ANKRD52: variants seen among roughly 807,000 people sequenced by gnomAD.
ANKRD52 encodes the protein serine/threonine-protein phosphatase 6 regulatory ankyrin repeat subunit C.
In ANKRD52, 7 loss-of-function variants were observed where a neutral mutation model predicts 116.0. The ratio of observed to expected loss-of-function variants is 0.06; its 90% CI spans 0.03 to 0.11. The LOEUF (loss-of-function observed/expected upper bound fraction) is 0.11, where lower values mean the gene tolerates loss of function less well. Ranked by LOEUF, ANKRD52 falls within the 10% of genes least tolerant of loss-of-function variation. The pLI is 1.00. For missense variants in ANKRD52, 839 were observed against 1,408.6 expected (o/e 0.60, Z 6.47); for synonymous variants, 528 against 578.1 (o/e 0.91, Z 1.24).
Position 56,242,982 on chromosome 12 carries a change from G to A in ANKRD52, c.*160C>T. 2 of 1,082,782 alleles carry A rather than the reference G, an allele frequency of 1.8e-6. No individual in the cohort carries two copies. The highest frequency in any genetic ancestry group is 3.4e-5 in the South Asian group (2 of 58,052). The allele number at this position is 1,082,782 out of a possible 1,614,324, so 67.1% of individuals were successfully genotyped here. A position where few individuals can be genotyped will look rare whatever the true frequency, so the allele number is the denominator to read the frequency against. On this transcript the variant is annotated 3_prime_UTR_variant, in exon 28 of 28. Transcript: ENST00000267116. This position sits in a 1 kb window ranked among gnomAD's most constrained non-coding sequence, Gnocchi z 4.3. Reference sequence around the variant, plus strand: ...CCCAGACCCCTGCCAGGCCAAGATGGTGTGGCAAAGGGGTGAGCAGCTGCT... The same window carrying A: ...CCCAGACCCCTGCCAGGCCAAGATGATGTGGCAAAGGGGTGAGCAGCTGCT...
rs1182285760 is a variant in ANKRD52, at chr12:56,238,428, C to T, written c.*4714G>A. 6.6e-6 allele frequency: 1 copy of T among 152,298 alleles called. No individual in the cohort carries two copies. The highest frequency in any genetic ancestry group is 2.4e-5 in the African/African-American group (1 of 41,414). 9.4% of individuals were successfully genotyped at this position (152,298 alleles called of 1,614,324 possible). Reference sequence around the variant, plus strand: ...ACAGCGGGTACCAGACGGAGAACACCCCTGAATATACATAGCTGTACATGG... The same window carrying T: ...ACAGCGGGTACCAGACGGAGAACACTCCTGAATATACATAGCTGTACATGG... On this transcript the variant is annotated 3_prime_UTR_variant, in exon 28 of 28. Transcript: ENST00000267116.
At position 56,244,059 on chromosome 12, in the gene ANKRD52, C is replaced by T. The variant is rs377581899; in HGVS notation, c.2880G>A (p.Ala960=). 51 of 1,613,862 alleles carry T rather than the reference C, an allele frequency of 3.2e-5. No homozygotes were observed. In the South Asian group the frequency reaches 4.2e-4, roughly 13 times the overall value. The change falls in exon 26 of 28, where the codon GCG becomes GCA. Residue 960 remains alanine (A), a synonymous_variant. Transcript: ENST00000267116. The surrounding 1 kb of genome is among the most constrained non-coding windows in gnomAD (Gnocchi z 4.9). ...CTTCCCCAGGCACTCACATCTGCAG[C>T]GCACTGTTGGTAGCATTGATAAGGC... ...DLGLINATNS[A]LQMPLHIAAR...
rs546062905 is a variant in ANKRD52 at position 56,247,863 on chromosome 12, G to A, written c.1979-89C>T. On this transcript the variant is annotated intron_variant, in intron 18 of 27. Coordinates refer to ENST00000267116, the MANE Select transcript of ANKRD52 (RefSeq NM_173595.4). The stretch of plus-strand genomic sequence containing the variant: ...TAAAGGACTTGGGGTCAATGTTACA[G>A]AAAGACCTGGGCCAGGGAGAAATCT... The A allele has an allele frequency of 1.3e-5, 19 of 1,432,982 alleles. No homozygotes were observed. The Admixed American group carries it at 1.6e-4, about 12-fold the overall frequency. 88.8% of individuals were successfully genotyped at this position (1,432,982 alleles called of 1,614,324 possible). A position where few individuals can be genotyped will look rare whatever the true frequency, so the allele number is the denominator to read the frequency against.
Position 56,244,870 on chromosome 12 carries a change from G to A in ANKRD52, c.2576+36C>T, listed in dbSNP as rs781136390. The A allele has an allele frequency of 4.3e-6, 7 of 1,613,912 alleles. No homozygotes were observed. The Admixed American group carries it at 1.0e-4, about 23-fold the overall frequency. On this transcript the variant is annotated intron_variant, in intron 23 of 27. Transcript: ENST00000267116. This position sits in a 1 kb window ranked among gnomAD's most constrained non-coding sequence, Gnocchi z 4.9. ...CCCAAGCAGAAAGGGGAAGCCAGAG[G>A]CAACTGGGATTCTTCCCAAGTCTTC...
In ANKRD52 at chr12:56,242,100, G is replaced by A. The variant is rs749181746; in HGVS notation, c.*1042C>T. The A allele has an allele frequency of 6.8e-5, 27 of 398,592 alleles. No homozygotes were observed. Among genetic ancestry groups the A allele is most frequent in the Non-Finnish European group, 1.1e-4 (24 of 226,148 alleles). 24.7% of individuals were successfully genotyped at this position (398,592 alleles called of 1,614,324 possible). ...GGTACTCTTGGACATAACGGAAGGT[G>A]GAGGCAGATAGGGAGCACAGATAAA... On this transcript the variant is annotated 3_prime_UTR_variant, in exon 28 of 28. Coordinates refer to ENST00000267116, the MANE Select transcript of ANKRD52 (RefSeq NM_173595.4). This position sits in a 1 kb window ranked among gnomAD's most constrained non-coding sequence, Gnocchi z 4.3.
rs1302600778 is a variant in ANKRD52 at position 56,243,004 on chromosome 12, T to C, written c.*138A>G. ...ATGGTGTGGCAAAGGGGTGAGCAGC[T>C]GCTCCCCAGGGCTTCCTTCCCCTCC... is the stretch of plus-strand genomic sequence containing the variant. On this transcript the variant is annotated 3_prime_UTR_variant, in exon 28 of 28. Transcript: ENST00000267116. The surrounding 1 kb of genome is among the most constrained non-coding windows in gnomAD (Gnocchi z 4.6). 12 of 1,253,832 alleles carry C rather than the reference T, an allele frequency of 9.6e-6. No individual in the cohort carries two copies. Among genetic ancestry groups the C allele is most frequent in the South Asian group, 3.2e-5 (2 of 62,488 alleles). 77.7% of individuals were successfully genotyped at this position (1,253,832 alleles called of 1,614,324 possible). A position where few individuals can be genotyped will look rare whatever the true frequency, so the allele number is the denominator to read the frequency against.
chr12:56,257,582 G>A (rs1872018876), intron 2 of ANKRD52, among the ~76,000 whole-genome samples: 1 of 152,108 alleles, frequency 6.6e-6, no homozygotes, highest in South Asian at 2.1e-4. Context: ...GGAGGGGTGG[G>A]GGCGCTGCAG....
In ANKRD52 at chr12:56,253,830, G is replaced by GTT. The variant is rs201083768; in HGVS notation, c.907-32_907-31dup. The GTT allele has an allele frequency of 5.0e-6, 8 of 1,586,836 alleles. No homozygotes were observed. The African/African-American group carries it at 6.8e-5, about 14-fold the overall frequency. ...GGAAACATGGTGGGTTTTTGTTTTT[G>GTT]TTTTTTTTTCCAGTGCAAAGCACAG... On this transcript the variant is annotated intron_variant, in intron 8 of 27. Coordinates refer to ENST00000267116, the MANE Select transcript of ANKRD52 (RefSeq NM_173595.4). This position sits in a 1 kb window ranked among gnomAD's most constrained non-coding sequence, Gnocchi z 5.5.
chr12:56,253,194 G>T lies in ANKRD52; in HGVS notation c.1100+94C>A. 6.8e-7 allele frequency: 1 copy of T among 1,468,246 alleles called. No homozygotes were observed. Among genetic ancestry groups the T allele is most frequent in the Non-Finnish European group, 9.3e-7 (1 of 1,069,862 alleles). 91.0% of individuals were successfully genotyped at this position (1,468,246 alleles called of 1,614,324 possible). The stretch of plus-strand genomic sequence containing the variant: ...GTCAGGGTAGGAGGTTCTCCAAGGT[G>T]CCCTTTGGCAAGCTTATCTGTGCCT... On this transcript the variant is annotated intron_variant, in intron 10 of 27. Coordinates refer to ENST00000267116, the MANE Select transcript of ANKRD52 (RefSeq NM_173595.4). The surrounding 1 kb of genome is among the most constrained non-coding windows in gnomAD (Gnocchi z 5.5).
intron 15 of ANKRD52, among the ~76,000 whole-genome samples, chr12:56,249,514 G>A (rs1050561332): frequency 1.3e-5 from 2 of 152,116 alleles, no homozygotes; most frequent in African/African-American, 4.8e-5. Context: ...GCATAGAGAA[G>A]TAACTTGCTG....
rs1379418920 is a variant in ANKRD52, at chr12:56,252,770, G to A, written c.1301+10C>T. ...CTGCTCAAAGCATGGGAGAGAGAAA[G>A]AGAACTCACCCTCCGGAAGCAGCAG... On this transcript the variant is annotated intron_variant, in intron 12 of 27. Transcript: ENST00000267116. This position sits in a 1 kb window ranked among gnomAD's most constrained non-coding sequence, Gnocchi z 4.7. 1.2e-6 allele frequency: 2 copies of A among 1,612,216 alleles called. No homozygotes were observed.
intron 15 of ANKRD52, among the ~76,000 whole-genome samples, chr12:56,249,730 C>T (rs1278486595): frequency 2.0e-5 from 3 of 152,196 alleles, no homozygotes. Flanking sequence ...ATGGCGAAAC[C>T]CTGTTTCTAC....
intron 15 of ANKRD52, among the ~76,000 whole-genome samples, chr12:56,251,392 G>A (rs1237285155): frequency 6.6e-6 from 1 of 151,382 alleles, no homozygotes; most frequent in Non-Finnish European, 1.5e-5. Context: ...TTATAGGCGT[G>A]TGCCACCACA....
Position 56,248,938 on chromosome 12 carries a change from G to T in ANKRD52, c.1593-68C>A, listed in dbSNP as rs1871555853. On this transcript the variant is annotated intron_variant, in intron 15 of 27. Coordinates refer to ENST00000267116, the MANE Select transcript of ANKRD52 (RefSeq NM_173595.4). The surrounding 1 kb of genome is among the most constrained non-coding windows in gnomAD (Gnocchi z 5.1). ...CCCAGGAGGGCACAGTTCTGGGAGGGCCAGAGGAGAGGACCAAGGCCCTCC... is the reference window on the plus strand; with the variant it reads ...CCCAGGAGGGCACAGTTCTGGGAGGTCCAGAGGAGAGGACCAAGGCCCTCC... The T allele has an allele frequency of 2.5e-6, 3 of 1,221,530 alleles. No homozygotes were observed. The highest frequency in any genetic ancestry group is 2.3e-6 in the Non-Finnish European group (2 of 880,716). The allele number at this position is 1,221,530 out of a possible 1,614,324, so 75.7% of individuals were successfully genotyped here. A position where few individuals can be genotyped will look rare whatever the true frequency, so the allele number is the denominator to read the frequency against.
At position 56,255,021 on chromosome 12, in the gene ANKRD52, G is replaced by A. The variant is rs1871881290; in HGVS notation, c.463-69C>T. The A allele has an allele frequency of 2.0e-6, 3 of 1,517,666 alleles. No homozygotes were observed. Among genetic ancestry groups the A allele is most frequent in the Non-Finnish European group, 1.8e-6 (2 of 1,097,890 alleles). The allele number at this position is 1,517,666 out of a possible 1,614,324, so 94.0% of individuals were successfully genotyped here. A position where few individuals can be genotyped will look rare whatever the true frequency, so the allele number is the denominator to read the frequency against. On this transcript the variant is annotated intron_variant, in intron 5 of 27. Transcript: ENST00000267116. The surrounding 1 kb of genome is among the most constrained non-coding windows in gnomAD (Gnocchi z 4.3). The stretch of plus-strand genomic sequence containing the variant: ...GCCCTCAACCTACCTAAGAGCAGAG[G>A]CCTCATCTCCTGAAAAGGCTGAGGC...
At position 56,258,363 on chromosome 12, in the gene ANKRD52, G is replaced by A. The variant is rs1482831741; in HGVS notation, c.-94C>T. On this transcript the variant is annotated 5_prime_UTR_variant, in exon 1 of 28. Coordinates refer to ENST00000267116, the MANE Select transcript of ANKRD52 (RefSeq NM_173595.4). Reference sequence around the variant, plus strand: ...AGCGGCCCAGGCGGCGGCTGCGGTGGCGGCTGCAGGGAGAGCGCGGCCCCG... The same window carrying A: ...AGCGGCCCAGGCGGCGGCTGCGGTGACGGCTGCAGGGAGAGCGCGGCCCCG... 3 of 1,326,852 alleles carry A rather than the reference G, an allele frequency of 2.3e-6. No individual in the cohort carries two copies. The highest frequency in any genetic ancestry group is 4.0e-5 in the Admixed American group (1 of 24,702). 82.2% of individuals were successfully genotyped at this position (1,326,852 alleles called of 1,614,324 possible).
chr12:56,243,222 C>G lies in ANKRD52; in HGVS notation c.3151G>C (p.Ala1051Pro). 6.2e-7 allele frequency: 1 copy of G among 1,613,520 alleles called. No homozygotes were observed. Among genetic ancestry groups the G allele is most frequent in the Non-Finnish European group, 8.5e-7 (1 of 1,179,732 alleles). The change falls in exon 28 of 28, where the codon GCC becomes CCC. Residue 1051 changes from alanine (A) to proline (P), a missense_variant. Transcript: ENST00000267116. This position sits in a 1 kb window ranked among gnomAD's most constrained non-coding sequence, Gnocchi z 4.6. ...AAAKTVGGCG[A>P]LPHGASCPYS... ...GGGCAGGAGGCCCCATGGGGCAGGG[C>G]GCCGCAGCCACCCACCGTCTTGGCG... is the stretch of plus-strand genomic sequence containing the variant.
In ANKRD52 at chr12:56,254,507, T is replaced by A; in HGVS notation, c.693+71A>T. 1.3e-6 allele frequency: 2 copies of A among 1,574,600 alleles called. No homozygotes were observed. The highest frequency in any genetic ancestry group is 8.6e-7 in the Non-Finnish European group (1 of 1,160,836). On this transcript the variant is annotated intron_variant, in intron 7 of 27. Transcript: ENST00000267116. This position sits in a 1 kb window ranked among gnomAD's most constrained non-coding sequence, Gnocchi z 4.6. ...ACTATACCAACATCCCAATACCTCA[T>A]ATCTCCGTAACAGACTATAATCTCC...
At chr12:56,251,764 A>C (rs1461534900) in intron 15 of ANKRD52, among the ~76,000 whole-genome samples, 1 of 143,562 alleles carries the variant, frequency 7.0e-6, no homozygotes, top group Non-Finnish European at 1.5e-5. Context: ...AAAAAAATCC[A>C]TTCCTTTAGG....
Sources: allele counts gnomAD v4.1 joint callset (sites outside exome capture counted in the v4.1 genomes callset), GRCh38; gene constraint gnomAD v4.1.1; non-coding constraint Gnocchi (gnomAD v3.1); transcripts MANE v1.5; gene names NCBI Gene and HGNC (gene_info 2026-07-23, HGNC 2026-07-21).